The following GNS variants were observed in gnomAD, a reference collection of about 807,000 sequenced individuals.
The protein encoded by GNS is glucosamine (N-acetyl)-6-sulfatase, also known as N-acetylglucosamine-6-sulfatase.
GNS carries 40 observed loss-of-function variants against 69.7 expected under a neutral mutation model. The observed-to-expected ratio is 0.57, with a 90% CI of 0.45 to 0.75. The LOEUF (loss-of-function observed/expected upper bound fraction) is 0.75, where lower values mean the gene tolerates loss of function less well. Among genes scored for constraint, GNS ranks in the 30% least tolerant of loss-of-function variants. GNS has a pLI of 0.00. For synonymous variants in GNS, 243 were observed against 251.6 expected, an observed-to-expected ratio of 0.97 and a Z score of 0.32; for missense variants, 565 against 685.5, an observed-to-expected ratio of 0.82 and a Z score of 1.96.
intron 2 of GNS, among the ~76,000 whole-genome samples, chr12:64,751,518 T>G (rs182780249): frequency 2.0e-5 from 3 of 152,304 alleles, no homozygotes; most frequent in African/African-American, 7.2e-5. Flanking sequence ...GTATTTGAAA[T>G]AGGCATCATA....
chr12:64,744,714 A>C, intron 5 of GNS, 95 bp downstream of exon 5: 1 of 755,594 alleles, frequency 1.3e-6, no homozygotes, highest in Non-Finnish European at 2.5e-6. Flanking sequence ...ATTACCCAAC[A>C]CAAACGAATA....
intron 8 of GNS, among the ~76,000 whole-genome samples, chr12:64,737,905 G>T (rs1390908487): frequency 6.6e-6 from 1 of 152,180 alleles, no homozygotes; most frequent in African/African-American, 2.4e-5. Context: ...AATTCAAAAT[G>T]TGAGACATTC....
intron 2 of GNS, among the ~76,000 whole-genome samples, chr12:64,749,899 A>T (rs1288774013): frequency 7.3e-6 from 1 of 136,268 alleles, no homozygotes; most frequent in Non-Finnish European, 1.5e-5. Context: ...TTTTTGAGAC[A>T]GGGTCTTACT....
At chr12:64,752,917 T>C (rs1870125240) in intron 1 of GNS, 160 bp from the exon 2 acceptor site, 1 of 638,042 alleles carries the variant, frequency 1.6e-6, no homozygotes, top group Non-Finnish European at 2.8e-6. Context: ...TAGAGACAAG[T>C]TTGGTTCCGG....
rs929072575 is a variant in GNS, at chr12:64,759,374, C to G, written c.-98G>C. 2.4e-6 allele frequency: 2 copies of G among 845,644 alleles called. No homozygotes were observed. Among genetic ancestry groups the G allele is most frequent in the Non-Finnish European group, 3.6e-6 (2 of 562,120 alleles). The allele number at this position is 845,644 out of a possible 1,614,324, so 52.4% of individuals were successfully genotyped here. A position where few individuals can be genotyped will look rare whatever the true frequency, so the allele number is the denominator to read the frequency against. On this transcript the variant is annotated 5_prime_UTR_variant, in exon 1 of 14. Transcript: ENST00000258145. The stretch of plus-strand genomic sequence containing the variant: ...GCCGACCAGCCGAAGGAATAAAAAG[C>G]CGTGCCTTGAAGGCCGGTGGCTGGA...
At chr12:64,743,402 T>C in intron 5 of GNS, 94 bp from the exon 6 acceptor site, 2 of 858,426 alleles carry the variant, frequency 2.3e-6, no homozygotes, top group Non-Finnish European at 3.9e-6. Flanking sequence ...GTACAGGGTC[T>C]TACTAGCTTT....
chr12:64,752,422 C>G (rs1870109137), intron 2 of GNS, among the ~76,000 whole-genome samples: 2 of 152,052 alleles, frequency 1.3e-5, no homozygotes, highest in African/African-American at 4.8e-5. Context: ...CATACATATT[C>G]CTTGATTTTT....
intron 9 of GNS, chr12:64,729,272 C>T: frequency 3.7e-6 from 2 of 543,098 alleles, no homozygotes. Flanking sequence ...AATAGTATAT[C>T]CCCCTGGCAA....
intron 9 of GNS, among the ~76,000 whole-genome samples, chr12:64,729,851 A>G (rs1869326573): frequency 1.3e-5 from 2 of 152,228 alleles, no homozygotes; most frequent in Admixed American, 1.3e-4. Context: ...ATATATTTTA[A>G]CCTCCTATAA....
intron 9 of GNS, among the ~76,000 whole-genome samples, chr12:64,730,682 C>A (rs1446998124): frequency 2.0e-5 from 3 of 152,124 alleles, no homozygotes; most frequent in Non-Finnish European, 2.9e-5. Context: ...ACAAGACCCA[C>A]TGTTACAGAT....
At position 64,758,972 on chromosome 12, in the gene GNS, C is replaced by T. The variant is rs73323489; in HGVS notation, c.192+113G>A. On this transcript the variant is annotated intron_variant, in intron 1 of 13. Transcript: ENST00000258145. ...CTCAGGTGGGAAAACCAAACCTACCCAAGGATAAGACAGCCAGTTCGGGGA... is the reference window on the plus strand; with the variant it reads ...CTCAGGTGGGAAAACCAAACCTACCTAAGGATAAGACAGCCAGTTCGGGGA... 128 of 919,128 alleles carry T rather than the reference C, an allele frequency of 1.4e-4. No individual in the cohort carries two copies. In the African/African-American group the frequency reaches 1.7e-3, roughly 12 times the overall value. The allele number at this position is 919,128 out of a possible 1,614,324, so 56.9% of individuals were successfully genotyped here. A position where few individuals can be genotyped will look rare whatever the true frequency, so the allele number is the denominator to read the frequency against.
intron 12 of GNS, among the ~76,000 whole-genome samples, chr12:64,720,761 C>A (rs1306543523): frequency 6.6e-6 from 1 of 152,166 alleles, no homozygotes; most frequent in Non-Finnish European, 1.5e-5. Flanking sequence ...CAGTACTTTT[C>A]CCTCTATAAT....
chr12:64,721,410 A>G (rs1298324471), intron 12 of GNS, among the ~76,000 whole-genome samples, 185 bp downstream of exon 12: 1 of 152,208 alleles, frequency 6.6e-6, no homozygotes, highest in Non-Finnish European at 1.5e-5. Flanking sequence ...TCAATTCAGA[A>G]AGATTACAAT....
At chr12:64,721,790 CT>C in intron 11 of GNS, 85 bp from the exon 12 acceptor site, 1 of 791,026 alleles carries the variant, frequency 1.3e-6, no homozygotes, top group Non-Finnish European at 2.3e-6. Flanking sequence ...ATCGGCTTGG[CT>C]CATGCCGGAC....
At chr12:64,717,621 C>G (rs1868907271) in intron 13 of GNS, among the ~76,000 whole-genome samples, 2 of 151,778 alleles carry the variant, frequency 1.3e-5, no homozygotes, top group Admixed American at 1.3e-4. Context: ...CCTTGGTCTC[C>G]CGAAGTGCTG....
In GNS at chr12:64,759,087, T is replaced by C. The variant is rs993253051; in HGVS notation, c.190A>G (p.Met64Val). 3.2e-6 allele frequency: 5 copies of C among 1,559,758 alleles called. No homozygotes were observed. The highest frequency in any genetic ancestry group is 4.3e-6 in the Non-Finnish European group (5 of 1,151,502). The part of the protein sequence containing the change: ...TDDQDEVLGG[M>V]TPLKKTKALI... ...CGGGGCAGAAACAGAAGAGTTACCA[T>C]GCCGCCGAGCACTTCGTCCTGGTCG... is the stretch of plus-strand genomic sequence containing the variant. The change falls in exon 1 of 14, where the codon ATG (methionine) becomes GTG (valine). Residue 64 changes from methionine (M) to valine (V), a missense_variant and splice_region_variant. Physicochemically the swap from Met to Val is conservative, Grantham distance 21 (BLOSUM62 1). This residue lies in a region of GNS where 181 missense variants were observed against 174.4 expected (regional missense o/e 1.04). Transcript: ENST00000258145.
At chr12:64,739,915 A>G (rs1869678876) in intron 7 of GNS, among the ~76,000 whole-genome samples, 2 of 152,254 alleles carry the variant, frequency 1.3e-5, no homozygotes, top group African/African-American at 2.4e-5. Flanking sequence ...CTGTGCTACA[A>G]AAAAGCTTAA....
At chr12:64,756,743 G>C in intron 1 of GNS, 1 of 1,500,768 alleles carries the variant, frequency 6.7e-7, no homozygotes, top group Non-Finnish European at 9.0e-7. Flanking sequence ...ACAATTAGTG[G>C]TAGAATATTC....
chr12:64,730,607 C>G (rs1474622506), intron 9 of GNS, among the ~76,000 whole-genome samples: 1 of 152,066 alleles, frequency 6.6e-6, no homozygotes, highest in African/African-American at 2.4e-5. Context: ...AGGAGAAAGG[C>G]AATCCATATG....
Sources: allele counts gnomAD v4.1 joint callset (sites outside exome capture counted in the v4.1 genomes callset), GRCh38; gene constraint gnomAD v4.1.1; regional missense constraint gnomAD v4.1.1; transcripts MANE v1.5; gene names NCBI Gene and HGNC (gene_info 2026-07-23, HGNC 2026-07-21).